The following KIF24 variants were observed in gnomAD, a reference collection of about 807,000 sequenced individuals.
KIF24 encodes kinesin family member 24.
KIF24 carries 81 observed loss-of-function variants against 118.9 expected under a neutral mutation model. The ratio of observed to expected loss-of-function variants is 0.68; its 90% CI spans 0.57 to 0.82. KIF24 has a LOEUF of 0.82. Ranked by LOEUF, KIF24 falls within the 40% of genes least tolerant of loss-of-function variation. The pLI, the probability that KIF24 is intolerant of heterozygous loss-of-function variation, is 0.00. For synonymous variants in KIF24, 599 were observed against 610.0 expected (o/e 0.98, Z 0.27); for missense variants, 1,560 against 1,661.6 (o/e 0.94, Z 1.06).
chr9:34,287,949 C>A (rs1377147818), intron 5 of KIF24, among the ~76,000 whole-genome samples: 1 of 151,674 alleles, frequency 6.6e-6, no homozygotes, highest in Non-Finnish European at 1.5e-5. Context: ...ACTTTTAGAG[C>A]CCTGCTGTCA....
chr9:34,272,062 G>A (rs1835528424), intron 6 of KIF24, 132 bp from the exon 7 acceptor site: 1 of 664,360 alleles, frequency 1.5e-6, no homozygotes, highest in South Asian at 2.8e-5. Context: ...CTGTCCAGGT[G>A]GAAAACTGCT....
At chr9:34,313,759 T>G (rs1001626562) in intron 1 of KIF24, among the ~76,000 whole-genome samples, 7 of 150,646 alleles carry the variant, frequency 4.6e-5, no homozygotes, top group African/African-American at 9.7e-5. Context: ...TTTGTTTTTT[T>G]TTTTTTGAGG....
chr9:34,291,380 C>T (rs1460468770), intron 4 of KIF24, among the ~76,000 whole-genome samples: 1 of 152,180 alleles, frequency 6.6e-6, no homozygotes, highest in Non-Finnish European at 1.5e-5. Context: ...TCTGCCCTAC[C>T]ATTAACTAAC....
chr9:34,256,985 C>G lies in KIF24; in HGVS notation c.2622G>C (p.Gln874His). The G allele has an allele frequency of 6.2e-7, 1 of 1,614,032 alleles. No individual in the cohort carries two copies. Among genetic ancestry groups the G allele is most frequent in the East Asian group, 2.2e-5 (1 of 44,886 alleles). ...GPEKQVAERQQSLFSSPRTGD... is the reference protein window; with the variant it reads ...GPEKQVAERQHSLFSSPRTGD... ...CTGTCCTGGGGCTAGAAAACAGACT[C>G]TGCTGTCTTTCTGCCACCTGCTTCT... The change falls in exon 11 of 13, where the codon CAG (glutamine) becomes CAC (histidine). Residue 874 changes from glutamine (Q) to histidine (H), a missense_variant. Gln to His is a conservative substitution (Grantham distance 24). Transcript: ENST00000402558.
At position 34,318,533 on chromosome 9, in the gene KIF24, G is replaced by A; in HGVS notation, c.-25-7162C>T. ...GCTGAGCCCCAAGGCAGCCACGCTG[G>A]CCGAACACAGCGCCGGCCTGGCCTT... is the stretch of plus-strand genomic sequence containing the variant. On this transcript the variant is annotated intron_variant, in intron 1 of 12. Coordinates refer to ENST00000402558, the MANE Select transcript of KIF24 (RefSeq NM_194313.4). The surrounding 1 kb of genome is among the most constrained non-coding windows in gnomAD (Gnocchi z 4.9). The A allele has an allele frequency of 9.9e-7, 1 of 1,009,876 alleles. No homozygotes were observed. 62.6% of individuals were successfully genotyped at this position (1,009,876 alleles called of 1,614,324 possible). A position where few individuals can be genotyped will look rare whatever the true frequency, so the allele number is the denominator to read the frequency against.
At chr9:34,274,908 C>G (rs562011958) in intron 6 of KIF24, among the ~76,000 whole-genome samples, 3 of 150,612 alleles carry the variant, frequency 2.0e-5, no homozygotes, top group African/African-American at 7.3e-5. Flanking sequence ...AGACAAACAT[C>G]ACATGTTCTC....
intron 1 of KIF24, chr9:34,319,091 T>A: frequency 7.4e-7 from 1 of 1,348,578 alleles, no homozygotes; most frequent in East Asian, 2.3e-5. Context: ...GACTCGGTTC[T>A]ATACCGTGGG....
chr9:34,320,177 G>A (rs557261678), intron 1 of KIF24, among the ~76,000 whole-genome samples: 9 of 152,036 alleles, frequency 5.9e-5, no homozygotes, highest in Non-Finnish European at 1.2e-4. Flanking sequence ...ACAGGCTTCT[G>A]GGCAGACTCT....
At chr9:34,297,653 T>C (rs1587951381) in intron 3 of KIF24, among the ~76,000 whole-genome samples, 1 of 151,724 alleles carries the variant, frequency 6.6e-6, no homozygotes, top group East Asian at 1.9e-4. Context: ...TCCCAGCTAC[T>C]CGGGAGGCTG....
rs1272977096 is a variant in KIF24 at position 34,259,677 on chromosome 9, G to A, written c.1544C>T (p.Ala515Val). ...GATGTTGGCGATCATGCAGGTTTTG[G>A]CATTGCCGATGAAAGAGTCCTTCAG... ...QVLKDSFIGN[A>V]KTCMIANISP... Residue 515 changes from alanine to valine, a missense_variant, in exon 10 of 13, where the codon GCC becomes GTC. By Grantham distance (64) the Ala-to-Val change is moderately conservative (BLOSUM62 0). Around this residue, in one of 3 missense-constraint regions of KIF24, gnomAD observed 964 missense variants for 988.0 expected, o/e 0.98. Coordinates refer to ENST00000402558, the MANE Select transcript of KIF24 (RefSeq NM_194313.4). 2 of 1,613,778 alleles carry A rather than the reference G, an allele frequency of 1.2e-6. No individual in the cohort carries two copies. The highest frequency in any genetic ancestry group is 1.7e-6 in the Non-Finnish European group (2 of 1,179,798).
At chr9:34,267,670 T>C (rs960051629) in intron 8 of KIF24, among the ~76,000 whole-genome samples, 16 of 152,166 alleles carry the variant, frequency 1.1e-4, no homozygotes, top group Non-Finnish European at 1.9e-4. Context: ...GTAGTCAATA[T>C]GAAAAAAATA....
At chr9:34,284,669 T>C (rs566254237) in intron 6 of KIF24, among the ~76,000 whole-genome samples, 2 of 152,144 alleles carry the variant, frequency 1.3e-5, no homozygotes, top group South Asian at 4.2e-4. Flanking sequence ...GATAAATACA[T>C]AGGTGGTAAA....
chr9:34,273,011 G>A (rs1835560556), intron 6 of KIF24, among the ~76,000 whole-genome samples: 2 of 152,068 alleles, frequency 1.3e-5, no homozygotes, highest in Admixed American at 1.3e-4. Flanking sequence ...GAACTTATGA[G>A]GCAGGAGGAT....
rs1321801772 is a variant in KIF24, at chr9:34,253,786, ATCAAG to A, written c.*589_*593del. 3.9e-5 allele frequency: 6 copies of A among 152,266 alleles called. No individual in the cohort carries two copies. The highest frequency in any genetic ancestry group is 7.3e-5 in the Non-Finnish European group (5 of 68,058). The allele number at this position is 152,266 out of a possible 1,614,324, so 9.4% of individuals were successfully genotyped here. On this transcript the variant is annotated 3_prime_UTR_variant, in exon 13 of 13. Transcript: ENST00000402558. Reference sequence around the variant, plus strand: ...TCACATCTGCTGCTGTCAGTGACACATCAAGTCAAGGTTTATGCTATTTACATTTT... The same window carrying A: ...TCACATCTGCTGCTGTCAGTGACACATCAAGGTTTATGCTATTTACATTTT...
At position 34,254,244 on chromosome 9, in the gene KIF24, G is replaced by A. The variant is rs1414651909; in HGVS notation, c.*136C>T. Reference sequence around the variant, plus strand: ...GACCTATCTGAAGCCACGTGGGGCTGGGGTGACGCTAGCATAGGCAGGACC... The same window carrying A: ...GACCTATCTGAAGCCACGTGGGGCTAGGGTGACGCTAGCATAGGCAGGACC... On this transcript the variant is annotated 3_prime_UTR_variant, in exon 13 of 13. Transcript: ENST00000402558. 47 of 968,168 alleles carry A rather than the reference G, an allele frequency of 4.9e-5. No homozygotes were observed. Among genetic ancestry groups the A allele is most frequent in the Non-Finnish European group, 6.2e-5 (43 of 690,848 alleles). 60.0% of individuals were successfully genotyped at this position (968,168 alleles called of 1,614,324 possible).
At chr9:34,285,931 A>T (rs1270948348) in intron 6 of KIF24, among the ~76,000 whole-genome samples, 10 of 15,406 alleles carry the variant, frequency 6.5e-4, no homozygotes, top group Non-Finnish European at 3.5e-3. Flanking sequence ...CCTGTTGCTT[A>T]AAAAAAAAAA....
chr9:34,290,610 T>G (rs1038823650), intron 4 of KIF24, among the ~76,000 whole-genome samples: 1 of 151,846 alleles, frequency 6.6e-6, no homozygotes, highest in Non-Finnish European at 1.5e-5. Flanking sequence ...TTTTTTTTTT[T>G]TTGTTTTTTG....
At chr9:34,322,813 G>T (rs1420740254) in intron 1 of KIF24, among the ~76,000 whole-genome samples, 1 of 152,050 alleles carries the variant, frequency 6.6e-6, no homozygotes, top group Non-Finnish European at 1.5e-5. Context: ...CCAAGATTGC[G>T]CCACTGCACT....
chr9:34,313,753 T>C (rs1254779052), intron 1 of KIF24, among the ~76,000 whole-genome samples: 2 of 139,982 alleles, frequency 1.4e-5, no homozygotes, highest in Non-Finnish European at 3.2e-5. Context: ...TTTTTTTTTG[T>C]TTTTTTTTTT....
Sources: gnomAD v4.1 joint callset for allele counts (sites outside exome capture counted in the v4.1 genomes callset) on GRCh38, gnomAD v4.1.1 for gene constraint, gnomAD v4.1.1 regional missense constraint, Gnocchi (gnomAD v3.1) non-coding constraint, MANE v1.5 for transcripts, NCBI Gene and HGNC (gene_info 2026-07-23, HGNC 2026-07-21) for gene names.